LNX1: variants seen among roughly 807,000 people sequenced by gnomAD.
LNX1 encodes E3 ubiquitin-protein ligase LNX.
In LNX1, 54 loss-of-function variants were observed where a neutral mutation model predicts 68.4. The observed-to-expected ratio is 0.79, with a 90% CI of 0.63 to 0.99. LNX1 has a LOEUF of 0.99. Among genes scored for constraint, LNX1 ranks in the 50% least tolerant of loss-of-function variants. The probability of loss-of-function intolerance (pLI) is 0.00; values close to 1 mark genes in which losing one functional copy is unlikely to be tolerated. For missense variants in LNX1, 906 were observed against 926.4 expected (o/e 0.98, Z 0.29); for synonymous variants, 336 against 350.0 (o/e 0.96, Z 0.45).
intron 2 of LNX1, among the ~76,000 whole-genome samples, chr4:53,609,866 CATT>C (rs1027249750): frequency 4.7e-5 from 7 of 147,646 alleles, no homozygotes; most frequent in African/African-American, 1.2e-4. Flanking sequence ...ATTTAGATAG[CATT>C]ATATATAACT....
chr4:53,623,871 G>A (rs1487653631), intron 1 of LNX1, among the ~76,000 whole-genome samples: 1 of 152,194 alleles, frequency 6.6e-6, no homozygotes, highest in Non-Finnish European at 1.5e-5. Flanking sequence ...AAAGCTGGAA[G>A]TTAAACCCAG....
chr4:53,558,257 T>C, intron 2 of LNX1: 2 of 1,205,102 alleles, frequency 1.7e-6, no homozygotes, highest in Non-Finnish European at 1.0e-6. Context: ...AACCAGCCCC[T>C]CCTGCAGGAT....
At chr4:53,548,818 G>A (rs1005069951) in intron 2 of LNX1, among the ~76,000 whole-genome samples, 1 of 152,148 alleles carries the variant, frequency 6.6e-6, no homozygotes, top group African/African-American at 2.4e-5. Flanking sequence ...ATGTGGTATA[G>A]ATATACCATG....
At chr4:53,595,150 T>C (rs1732692855), upstream of LNX1, among the ~76,000 whole-genome samples, 1 of 151,720 alleles carries the variant, frequency 6.6e-6, no homozygotes, top group Admixed American at 6.6e-5. Context: ...TTTGGAGAGG[T>C]GGTGAGAGGG....
intron 1 of LNX1, 34 bp downstream of exon 1, chr4:53,591,354 T>C (rs1251688032): frequency 8.1e-6 from 8 of 982,908 alleles, no homozygotes; most frequent in Admixed American, 6.2e-5. Context: ...GTGGTCTAAA[T>C]GCCAAGAGAG....
chr4:53,492,905 CA>C (rs1724800267), intron 6 of LNX1, among the ~76,000 whole-genome samples: 1 of 152,022 alleles, frequency 6.6e-6, no homozygotes, highest in African/African-American at 2.4e-5. Context: ...CAAGTGTGGT[CA>C]GAGGAGAAGG....
At chr4:53,488,795 C>A (rs2109442649) in intron 6 of LNX1, among the ~76,000 whole-genome samples, 1 of 152,206 alleles carries the variant, frequency 6.6e-6, no homozygotes, top group South Asian at 2.1e-4. Flanking sequence ...ACAATACAGA[C>A]AACTGGAAGC....
chr4:53,544,300 A>G (rs1028186776), intron 2 of LNX1, among the ~76,000 whole-genome samples: 8 of 151,950 alleles, frequency 5.3e-5, no homozygotes, highest in Admixed American at 3.9e-4. Context: ...GTCAGGCAAT[A>G]TTCGTGCCTC....
At chr4:53,589,492 C>A (rs552810816) in intron 1 of LNX1, among the ~76,000 whole-genome samples, 1 of 152,308 alleles carries the variant, frequency 6.6e-6, no homozygotes, top group East Asian at 1.9e-4. Flanking sequence ...TAGGAAAATT[C>A]CTTCCAAAGG....
chr4:53,470,278 C>A (rs11843528), intron 9 of LNX1, among the ~76,000 whole-genome samples: 3 of 152,176 alleles, frequency 2.0e-5, no homozygotes, highest in Non-Finnish European at 4.4e-5. Context: ...AAGCCTTTGA[C>A]AAAATTCAAC....
intron 2 of LNX1, among the ~76,000 whole-genome samples, chr4:53,606,972 C>A (rs1380861928): frequency 1.3e-5 from 2 of 152,102 alleles, no homozygotes; most frequent in African/African-American, 4.8e-5. Context: ...ATAATAATAG[C>A]CACCTATTAC....
intron 1 of LNX1, among the ~76,000 whole-genome samples, chr4:53,629,822 T>C (rs1264819553): frequency 6.6e-6 from 1 of 152,164 alleles, no homozygotes; most frequent in African/African-American, 2.4e-5. Context: ...TTTGGTTTTA[T>C]TTTTAAAAAA....
At chr4:53,616,366 G>A (rs1363459557) in intron 2 of LNX1, among the ~76,000 whole-genome samples, 5 of 152,204 alleles carry the variant, frequency 3.3e-5, no homozygotes, top group African/African-American at 9.7e-5. Flanking sequence ...CTACTCTTCA[G>A]TGTCCTGCGC....
intron 9 of LNX1, among the ~76,000 whole-genome samples, chr4:53,462,822 T>C (rs141746561): frequency 1.2e-4 from 19 of 152,268 alleles, no homozygotes; most frequent in Non-Finnish European, 2.1e-4. Context: ...AAATTTCCTA[T>C]TGTAAAATAT....
intron 9 of LNX1, among the ~76,000 whole-genome samples, chr4:53,471,803 A>G (rs370033584): frequency 2.6e-5 from 4 of 152,308 alleles, no homozygotes; most frequent in African/African-American, 4.8e-5. Context: ...TCTCACACCA[A>G]TTAGAATGGC....
At chr4:53,499,485 T>C (rs1725323764) in intron 4 of LNX1, among the ~76,000 whole-genome samples, 1 of 152,166 alleles carries the variant, frequency 6.6e-6, no homozygotes, top group African/African-American at 2.4e-5. Context: ...ATACCTCATA[T>C]CATGCCCATA....
intron 2 of LNX1, among the ~76,000 whole-genome samples, chr4:53,529,102 A>ACACACACACACACACAC (rs377174724): frequency 7.2e-6 from 1 of 138,322 alleles, no homozygotes; most frequent in Non-Finnish European, 1.6e-5. Context: ...AGTCCTGACC[A>ACACACACACACACACAC]ACACACACAC....
intron 2 of LNX1, among the ~76,000 whole-genome samples, chr4:53,554,848 TC>T (rs1176339493): frequency 7.6e-6 from 1 of 131,372 alleles, no homozygotes; most frequent in East Asian, 2.0e-4. Context: ...CGAGACTCTG[TC>T]TCAAAAAAAA....
At chr4:53,652,180 G>T (rs981263871) in exon 1 of LNX1, 1 of 152,158 alleles carries the variant, frequency 6.6e-6, no homozygotes, top group African/African-American at 2.4e-5. Flanking sequence ...TTGCTGTATT[G>T]CGGATCAGTT....
Sources: gnomAD v4.1 joint callset for allele counts (sites outside exome capture counted in the v4.1 genomes callset) on GRCh38, gnomAD v4.1.1 for gene constraint, MANE v1.5 for transcripts, NCBI Gene and HGNC (gene_info 2026-07-23, HGNC 2026-07-21) for gene names.